PALLD: variants seen among roughly 807,000 people sequenced by gnomAD.
PALLD encodes palladin, cytoskeletal associated protein.
A neutral mutation model predicts 123.5 loss-of-function variants in PALLD; 61 were observed. That is an observed-to-expected ratio of 0.49 (90% CI 0.40 to 0.61). PALLD has a LOEUF of 0.61. Among genes scored for constraint, PALLD ranks in the 20% least tolerant of loss-of-function variants. PALLD has a pLI of 0.00. For synonymous variants in PALLD, 465 were observed against 496.4 expected, an observed-to-expected ratio of 0.94 and a Z score of 0.84; for missense variants, 1,273 against 1,377.0, an observed-to-expected ratio of 0.92 and a Z score of 1.20.
intron 10 of PALLD, among the ~76,000 whole-genome samples, chr4:168,880,479 T>C (rs1287874817): frequency 6.6e-6 from 1 of 152,248 alleles, no homozygotes; most frequent in African/African-American, 2.4e-5. Flanking sequence ...AATTTTCCTG[T>C]TGCTAAATCA....
chr4:168,765,110 C>T (rs1733486210), intron 10 of PALLD, among the ~76,000 whole-genome samples: 1 of 152,176 alleles, frequency 6.6e-6, no homozygotes, highest in Non-Finnish European at 1.5e-5. Flanking sequence ...AATCTAATCT[C>T]TAGTCCTTAG....
At chr4:168,594,399 A>G (rs1771771011) in intron 2 of PALLD, among the ~76,000 whole-genome samples, 1 of 152,192 alleles carries the variant, frequency 6.6e-6, no homozygotes, top group African/African-American at 2.4e-5. Flanking sequence ...CAGAGACAGC[A>G]GGATGATGTT....
intron 2 of PALLD, among the ~76,000 whole-genome samples, chr4:168,623,398 C>T (rs1774942847): frequency 6.6e-6 from 1 of 152,206 alleles, no homozygotes; most frequent in African/African-American, 2.4e-5. Context: ...ACATGTGGTT[C>T]ATGAAATATC....
Position 168,915,810 on chromosome 4 carries a change from T to C in PALLD, c.2718-85T>C, listed in dbSNP as rs72704235. 107,920 of 1,019,058 alleles carry C rather than the reference T, an allele frequency of 0.11. 6,189 individuals carry two copies. The highest frequency in any genetic ancestry group is 0.16 in the Middle Eastern group (712 of 4,558). 63.1% of individuals were successfully genotyped at this position (1,019,058 alleles called of 1,614,324 possible). The stretch of plus-strand genomic sequence containing the variant: ...ATAAGGAAATCATATTATTACCCCA[T>C]GTATTTTAAGAAAACAGATGACTAA... On this transcript the variant is annotated intron_variant, in intron 16 of 21. Coordinates refer to ENST00000505667, the MANE Select transcript of PALLD (RefSeq NM_001166108.2).
intron 2 of PALLD, among the ~76,000 whole-genome samples, chr4:168,637,820 G>A (rs1197679501): frequency 1.3e-5 from 2 of 151,748 alleles, no homozygotes; most frequent in African/African-American, 2.4e-5. Flanking sequence ...GGTGAGTACC[G>A]GTAATCCCAG....
chr4:168,925,557 A>G (rs1413240551), intron 21 of PALLD, among the ~76,000 whole-genome samples: 2 of 152,176 alleles, frequency 1.3e-5, no homozygotes, highest in Non-Finnish European at 2.9e-5. Flanking sequence ...TCTCATTAAT[A>G]TATCTTAAGC....
rs28744369 is a variant in PALLD, at chr4:168,661,897, G to C, written c.909-6293G>C. ...AATATAATGACAACTACTTCACAAG[G>C]TACTTGTGAAAATAAAATAAGGTCA... On this transcript the variant is annotated intron_variant, in intron 2 of 21. Transcript: ENST00000505667. Among the ~76,000 whole-genome samples the C allele has an allele frequency of 5.1e-3, 777 of 152,104 alleles. 4 individuals carry two copies. Among genetic ancestry groups the C allele is most frequent in the African/African-American group, 0.018 (749 of 41,496 alleles).
Position 168,927,158 on chromosome 4 carries a change from C to T in PALLD, c.*978C>T, listed in dbSNP as rs143604556. ...TTCCACAGAAAGCATCCAAACCACC[C>T]AAATGACCAAGGCATATATAGTATT... On this transcript the variant is annotated 3_prime_UTR_variant, in exon 22 of 22. Coordinates refer to ENST00000505667, the MANE Select transcript of PALLD (RefSeq NM_001166108.2). 2.2e-5 allele frequency: 5 copies of T among 229,076 alleles called. No homozygotes were observed. The highest frequency in any genetic ancestry group is 3.5e-5 in the Non-Finnish European group (4 of 115,200). 14.2% of individuals were successfully genotyped at this position (229,076 alleles called of 1,614,324 possible). A position where few individuals can be genotyped will look rare whatever the true frequency, so the allele number is the denominator to read the frequency against.
chr4:168,769,080 C>T (rs1273059795), intron 10 of PALLD, among the ~76,000 whole-genome samples: 2 of 152,222 alleles, frequency 1.3e-5, no homozygotes, highest in Non-Finnish European at 2.9e-5. Flanking sequence ...CCGTCGGCCT[C>T]CCAAAGTACT....
At chr4:168,738,710 C>A (rs6851028) in intron 10 of PALLD, among the ~76,000 whole-genome samples, 1 of 97,778 alleles carries the variant, frequency 1.0e-5, no homozygotes, top group African/African-American at 4.4e-5. Context: ...GGGTTACAGG[C>A]GTGAGCCACC....
chr4:168,609,725 C>T (rs1174589349), intron 2 of PALLD, among the ~76,000 whole-genome samples: 3 of 152,140 alleles, frequency 2.0e-5, no homozygotes, highest in Non-Finnish European at 4.4e-5. Context: ...CGATGTGGGA[C>T]CCAAGACGCA....
chr4:168,674,254 G>A lies in PALLD; in HGVS notation c.1087+5886G>A, dbSNP rs149812225. Among the ~76,000 whole-genome samples, 626 of 152,276 alleles carry A rather than the reference G, an allele frequency of 4.1e-3. 3 individuals carry two copies. Among genetic ancestry groups the A allele is most frequent in the African/African-American group, 0.014 (582 of 41,546 alleles). On this transcript the variant is annotated intron_variant, in intron 3 of 21. Coordinates refer to ENST00000505667, the MANE Select transcript of PALLD (RefSeq NM_001166108.2). ...TTGAAATCTCTATTTAGCTAGCCAT[G>A]TGGATGTGTCAGGCCGGTAGTTGCA...
chr4:168,601,810 CT>C (rs1458905059), intron 2 of PALLD, among the ~76,000 whole-genome samples: 2 of 152,166 alleles, frequency 1.3e-5, no homozygotes, highest in Non-Finnish European at 2.9e-5. Context: ...CCAAGGGTAG[CT>C]CTTCGAGATC....
chr4:168,603,573 G>A (rs1234159583), intron 2 of PALLD, among the ~76,000 whole-genome samples: 2 of 152,166 alleles, frequency 1.3e-5, no homozygotes, highest in Non-Finnish European at 2.9e-5. Flanking sequence ...CTGCTTAAAT[G>A]TGTTCATTAT....
chr4:168,816,817 C>CGTGTGT (rs61010592), intron 10 of PALLD, among the ~76,000 whole-genome samples: 45 of 111,026 alleles, frequency 4.1e-4, no homozygotes, highest in East Asian at 1.6e-3. Flanking sequence ...GAGCTAGCCC[C>CGTGTGT]GTGTGTGTGT....
chr4:168,622,016 T>C (rs1774811004), intron 2 of PALLD, among the ~76,000 whole-genome samples: 1 of 152,152 alleles, frequency 6.6e-6, no homozygotes, highest in South Asian at 2.1e-4. Context: ...AAACAGATGG[T>C]GCTGCTAACA....
chr4:168,722,790 G>A (rs1366851966), intron 10 of PALLD, among the ~76,000 whole-genome samples: 1 of 152,144 alleles, frequency 6.6e-6, no homozygotes, highest in Non-Finnish European at 1.5e-5. Context: ...ACAGTGGGAT[G>A]TTATGGTATT....
At chr4:168,610,557 C>A (rs56385604) in intron 2 of PALLD, among the ~76,000 whole-genome samples, 13,975 of 151,032 alleles carry the variant, frequency 0.093, 810 homozygotes, top group Non-Finnish European at 0.12. Flanking sequence ...AAGTTTCTGC[C>A]TCACCACGTG....
At chr4:168,819,556 C>T (rs933349162) in intron 10 of PALLD, among the ~76,000 whole-genome samples, 14 of 152,204 alleles carry the variant, frequency 9.2e-5, no homozygotes, top group African/African-American at 3.4e-4. Flanking sequence ...ATAAACTGTT[C>T]TCACAAAGAG....
Sources: gnomAD v4.1 joint callset for allele counts (sites outside exome capture counted in the v4.1 genomes callset) on GRCh38, gnomAD v4.1.1 for gene constraint, MANE v1.5 for transcripts, NCBI Gene and HGNC (gene_info 2026-07-23, HGNC 2026-07-21) for gene names.